Variants in NARS1 observed in about 807,000 individuals in gnomAD.
The protein encoded by NARS1 is asparaginyl-tRNA synthetase 1, also known as asparagine--tRNA ligase, cytoplasmic.
A neutral mutation model predicts 79.2 loss-of-function variants in NARS1; 65 were observed. The observed-to-expected ratio is 0.82, with a 90% CI of 0.67 to 1.01. The LOEUF is 1.01. Among genes scored for constraint, NARS1 ranks in the 50% least tolerant of loss-of-function variants. NARS1 has a pLI of 0.00. For missense variants in NARS1, 649 were observed against 673.8 expected (o/e 0.96, Z 0.41); for synonymous variants, 229 against 238.8 (o/e 0.96, Z 0.38).
intron 2 of NARS1, among the ~76,000 whole-genome samples, chr18:57,617,532 AC>A (rs1205116202): frequency 2.1e-5 from 3 of 140,680 alleles, no homozygotes; most frequent in Non-Finnish European, 3.0e-5. Context: ...AGATCGCACC[AC>A]TGCACTCCAG....
chr18:57,602,918 A>G lies in NARS1; in HGVS notation c.1277T>C (p.Leu426Pro), dbSNP rs1202662502. The change falls in exon 12 of 14, where the codon CTG becomes CCG. Residue 426 changes from leucine to proline, a missense_variant. Transcript: ENST00000256854. ...GEDIPEAPER[L>P]MTDTINEPIL... ...TGGTTCATTAATGGTGTCTGTCATC[A>G]GTCTCTCAGGAGCTTCTGGGATATC... is the stretch of plus-strand genomic sequence containing the variant. 1 of 1,614,010 alleles carries G rather than the reference A, an allele frequency of 6.2e-7. No homozygotes were observed. The highest frequency in any genetic ancestry group is 8.5e-7 in the Non-Finnish European group (1 of 1,179,998).
intron 2 of NARS1, among the ~76,000 whole-genome samples, chr18:57,618,847 A>G (rs1462981916): frequency 6.6e-6 from 1 of 152,158 alleles, no homozygotes; most frequent in Admixed American, 6.5e-5. Context: ...AGCTGCAGTG[A>G]GCCATGAATG....
chr18:57,617,999 A>G (rs1401196695), intron 2 of NARS1, among the ~76,000 whole-genome samples: 1 of 150,626 alleles, frequency 6.6e-6, no homozygotes, highest in African/African-American at 2.4e-5. Context: ...TGTAGGGGCC[A>G]GGCGCAGTGG....
intron 6 of NARS1, among the ~76,000 whole-genome samples, chr18:57,611,253 A>G (rs1156570771): frequency 6.6e-6 from 1 of 152,128 alleles, no homozygotes; most frequent in African/African-American, 2.4e-5. Flanking sequence ...GGCATGAGCC[A>G]CCATGCCCAG....
In NARS1 at chr18:57,620,644, C is replaced by T. The variant is rs1423457861; in HGVS notation, c.18G>A (p.Leu6=). 2 of 1,612,046 alleles carry T rather than the reference C, an allele frequency of 1.2e-6. No homozygotes were observed. The highest frequency in any genetic ancestry group is 2.7e-5 in the African/African-American group (2 of 74,830). The change falls in exon 2 of 14, where the codon CTG becomes CTA. Residue 6 remains leucine, a synonymous_variant. Coordinates refer to ENST00000256854, the MANE Select transcript of NARS1 (RefSeq NM_004539.4). MVLAE[L]YVSDREGSDA... is the part of the protein sequence containing the mutation. ...CGCTTCCCTCTCGGTCAGAGACGTA[C>T]AGCTCTGCTGTTTGACAAAATGAGG...
intron 10 of NARS1, among the ~76,000 whole-genome samples, chr18:57,606,335 ACT>A (rs1237498148): frequency 9.4e-6 from 1 of 106,808 alleles, no homozygotes; most frequent in African/African-American, 3.6e-5. Flanking sequence ...ACAGAGTGAG[ACT>A]CTGTCTCAAA....
chr18:57,601,819 TACTTAAGTTAAA>T, intron 13 of NARS1, 36 bp from the exon 14 acceptor site: 1 of 1,601,366 alleles, frequency 6.2e-7, no homozygotes, highest in Non-Finnish European at 8.6e-7. Context: ...GAGGAGTAAA[TACTTAAGTTAAA>T]ACTTTCATCT....
chr18:57,614,814 T>C (rs1422362607), intron 4 of NARS1, among the ~76,000 whole-genome samples: 2 of 152,168 alleles, frequency 1.3e-5, no homozygotes, highest in African/African-American at 4.8e-5. Context: ...TACTTAACTG[T>C]GTAATAAAAT....
At position 57,602,352 on chromosome 18, in the gene NARS1, T is replaced by C. The variant is rs769750295; in HGVS notation, c.1515+3A>G. 2 of 1,610,332 alleles carry C rather than the reference T, an allele frequency of 1.2e-6. No individual in the cohort carries two copies. Among genetic ancestry groups the C allele is most frequent in the Non-Finnish European group, 1.7e-6 (2 of 1,178,854 alleles). On this transcript the variant is annotated splice_donor_region_variant and intron_variant, in intron 13 of 13. Coordinates refer to ENST00000256854, the MANE Select transcript of NARS1 (RefSeq NM_004539.4). ...TGTTGAGTACTTAAAAAATTGGTTT[T>C]ACCTGATCCGTATACCAGTAATAGG... is the stretch of plus-strand genomic sequence containing the variant.
At chr18:57,614,288 G>T (rs1438314045) in intron 4 of NARS1, among the ~76,000 whole-genome samples, 1 of 151,974 alleles carries the variant, frequency 6.6e-6, no homozygotes. Flanking sequence ...ATCACCTGAG[G>T]TCAGGAGTTT....
At chr18:57,616,385 A>C (rs1364329748) in intron 2 of NARS1, among the ~76,000 whole-genome samples, 1 of 150,286 alleles carries the variant, frequency 6.7e-6, no homozygotes, top group Non-Finnish European at 1.5e-5. Context: ...GTGCCACTGC[A>C]CTCCAGCCTG....
At chr18:57,618,263 T>C (rs1908142826) in intron 2 of NARS1, among the ~76,000 whole-genome samples, 1 of 131,340 alleles carries the variant, frequency 7.6e-6, no homozygotes, top group African/African-American at 2.9e-5. Flanking sequence ...CACTCCAGCC[T>C]GGGCAACAAG....
At chr18:57,615,312 C>A (rs1388545616) in intron 4 of NARS1, among the ~76,000 whole-genome samples, 1 of 152,162 alleles carries the variant, frequency 6.6e-6, no homozygotes, top group Non-Finnish European at 1.5e-5. Context: ...ACCATCCTGG[C>A]TAACACGGTG....
At chr18:57,603,674 G>A (rs2051529501) in intron 11 of NARS1, among the ~76,000 whole-genome samples, 2 of 152,216 alleles carry the variant, frequency 1.3e-5, no homozygotes, top group South Asian at 2.1e-4. Flanking sequence ...GAGAACTGGA[G>A]AAGACTCATA....
At position 57,602,357 on chromosome 18, in the gene NARS1, G is replaced by A. The variant is rs1169818125; in HGVS notation, c.1513C>T (p.Gln505Ter). 2 of 1,611,024 alleles carry A rather than the reference G, an allele frequency of 1.2e-6. No homozygotes were observed. Among genetic ancestry groups the A allele is most frequent in the Non-Finnish European group, 1.7e-6 (2 of 1,179,110 alleles). The change falls in exon 13 of 14, where the codon CAG (glutamine) becomes TAG (stop). Residue 505 changes from glutamine (Q) to a stop codon, truncating the protein, a stop_gained and splice_region_variant. Transcript: ENST00000256854. LOFTEE classifies it high-confidence loss of function. ...DPTPYYWYTDQRKYGTCPHGG... is the reference protein window; with the variant it reads ...DPTPYYWYTD Reference sequence around the variant, plus strand: ...AGTACTTAAAAAATTGGTTTTACCTGATCCGTATACCAGTAATAGGGAGTG... The same window carrying A: ...AGTACTTAAAAAATTGGTTTTACCTAATCCGTATACCAGTAATAGGGAGTG...
chr18:57,617,210 TTC>T (rs1908081713), intron 2 of NARS1, among the ~76,000 whole-genome samples: 1 of 152,184 alleles, frequency 6.6e-6, no homozygotes, highest in Non-Finnish European at 1.5e-5. Context: ...CAGTGAATTA[TTC>T]TCTGTTGCAA....
intron 2 of NARS1, among the ~76,000 whole-genome samples, chr18:57,619,075 A>G (rs1426984329): frequency 1.3e-5 from 2 of 152,162 alleles, no homozygotes; most frequent in African/African-American, 4.8e-5. Flanking sequence ...CAGAAAAAGG[A>G]GTGTCAAGGC....
intron 2 of NARS1, among the ~76,000 whole-genome samples, chr18:57,619,972 G>A (rs574249372): frequency 6.6e-6 from 1 of 152,314 alleles, no homozygotes; most frequent in South Asian, 2.1e-4. Flanking sequence ...ATAGGCGTGA[G>A]CCACCACACC....
intron 4 of NARS1, among the ~76,000 whole-genome samples, chr18:57,613,924 G>T (rs112111003): frequency 3.9e-5 from 6 of 152,160 alleles, no homozygotes; most frequent in African/African-American, 1.4e-4. Context: ...ACACCCAGAA[G>T]AATTTCAGAT....
Sources: gnomAD v4.1 joint callset for allele counts (sites outside exome capture counted in the v4.1 genomes callset) on GRCh38, gnomAD v4.1.1 for gene constraint, MANE v1.5 for transcripts, NCBI Gene and HGNC (gene_info 2026-07-23, HGNC 2026-07-21) for gene names.